Variants in ZNF804A observed in about 807,000 individuals in gnomAD.
The protein encoded by ZNF804A is zinc finger protein 804A.
A neutral mutation model predicts 16.5 loss-of-function variants in ZNF804A; 2 were observed. The ratio of observed to expected loss-of-function variants is 0.12; its 90% CI spans 0.05 to 0.38. ZNF804A has a LOEUF of 0.38. ZNF804A is among the 10% of genes least tolerant of loss of function. The pLI, the probability that ZNF804A is intolerant of heterozygous loss-of-function variation, is 0.99. For synonymous variants in ZNF804A, 534 were observed against 489.6 expected (o/e 1.09, Z -1.20); for missense variants, 1,473 against 1,390.7 (o/e 1.06, Z -0.94).
chr2:184,849,723 C>T (rs556465441), intron 1 of ZNF804A, among the ~76,000 whole-genome samples: 7 of 152,004 alleles, frequency 4.6e-5, no homozygotes, highest in Non-Finnish European at 1.0e-4. Flanking sequence ...ATTCAGCAAT[C>T]CCAGTGCTAG....
intron 2 of ZNF804A, among the ~76,000 whole-genome samples, chr2:184,933,060 A>C (rs188054202): frequency 9.1e-4 from 139 of 152,160 alleles, no homozygotes; most frequent in Middle Eastern, 3.4e-3. Flanking sequence ...CTCAGAACAC[A>C]CAAAAAGGGC....
chr2:184,852,391 G>A (rs537364708), intron 1 of ZNF804A, among the ~76,000 whole-genome samples: 125 of 149,932 alleles, frequency 8.3e-4, no homozygotes, highest in African/African-American at 3.0e-3. Flanking sequence ...CCTGTTGGTT[G>A]TCTCTTCATC....
At chr2:184,875,712 A>G (rs1696044298) in intron 2 of ZNF804A, among the ~76,000 whole-genome samples, 3 of 151,860 alleles carry the variant, frequency 2.0e-5, no homozygotes, top group Admixed American at 2.0e-4. Flanking sequence ...ATAACAAGAT[A>G]ATTAAAATAG....
intron 1 of ZNF804A, among the ~76,000 whole-genome samples, chr2:184,856,097 C>G (rs1294740891): frequency 6.6e-6 from 1 of 151,664 alleles, no homozygotes; most frequent in African/African-American, 2.4e-5. Context: ...GAACAAGCTC[C>G]TATAGACAAC....
chr2:184,670,693 T>C (rs1474689830), intron 1 of ZNF804A, among the ~76,000 whole-genome samples: 1 of 152,186 alleles, frequency 6.6e-6, no homozygotes, highest in Non-Finnish European at 1.5e-5. Flanking sequence ...TTTATCTCTT[T>C]GTGGACTCTA....
intron 1 of ZNF804A, among the ~76,000 whole-genome samples, chr2:184,769,865 A>C (rs1694185290): frequency 6.6e-6 from 1 of 152,132 alleles, no homozygotes; most frequent in Non-Finnish European, 1.5e-5. Flanking sequence ...ATCATTATTA[A>C]CAACCTTCAA....
intron 1 of ZNF804A, among the ~76,000 whole-genome samples, chr2:184,780,373 CT>C (rs200616123): frequency 3.8e-4 from 57 of 151,852 alleles, no homozygotes; most frequent in African/African-American, 1.3e-3. Context: ...ACGTTTTAAA[CT>C]TTTTTAAAAA....
intron 1 of ZNF804A, among the ~76,000 whole-genome samples, chr2:184,790,300 G>T (rs913090695): frequency 6.6e-6 from 1 of 151,140 alleles, no homozygotes; most frequent in African/African-American, 2.4e-5. Flanking sequence ...TTGCAAATAT[G>T]AGAATAATGT....
chr2:184,623,131 C>T (rs377683619), intron 1 of ZNF804A, among the ~76,000 whole-genome samples: 4 of 151,970 alleles, frequency 2.6e-5, no homozygotes, highest in East Asian at 1.9e-4. Context: ...TATTATCAGC[C>T]GTTCCTTAAT....
At chr2:184,662,230 A>G (rs1376376380) in intron 1 of ZNF804A, among the ~76,000 whole-genome samples, 1 of 152,330 alleles carries the variant, frequency 6.6e-6, no homozygotes, top group Non-Finnish European at 1.5e-5. Flanking sequence ...TGTCATCAAT[A>G]TGGAGTTTTT....
At chr2:184,886,552 T>C (rs1394461652) in intron 2 of ZNF804A, among the ~76,000 whole-genome samples, 1 of 152,230 alleles carries the variant, frequency 6.6e-6, no homozygotes, top group East Asian at 1.9e-4. Flanking sequence ...AGGTTCTCCA[T>C]GAGGGCCCTG....
chr2:184,626,780 T>G (rs1347452501), intron 1 of ZNF804A, among the ~76,000 whole-genome samples: 2 of 152,178 alleles, frequency 1.3e-5, no homozygotes. Flanking sequence ...AGAATCAAAT[T>G]GTAATACCAA....
Position 184,938,558 on chromosome 2 carries a change from C to T in ZNF804A, c.3162C>T (p.His1054=). The part of the protein sequence containing the change: ...FKNVPCEVYQ[H]ILQPNMLANK... ...ATGTACCATGTGAGGTCTACCAGCA[C>T]ATTCTGCAGCCAAACATGCTGGCCA... The change falls in exon 4 of 4, where the codon CAC becomes CAT. Residue 1054 remains histidine, a synonymous_variant. Transcript: ENST00000302277. 1 of 1,614,086 alleles carries T rather than the reference C, an allele frequency of 6.2e-7. No homozygotes were observed. Among genetic ancestry groups the T allele is most frequent in the Non-Finnish European group, 8.5e-7 (1 of 1,180,018 alleles).
At chr2:184,921,281 T>A (rs60535211) in intron 2 of ZNF804A, among the ~76,000 whole-genome samples, 2,858 of 152,268 alleles carry the variant, frequency 0.019, 75 homozygotes, top group African/African-American at 0.064. Flanking sequence ...CTCTACAAAG[T>A]ATTTGGCCAG....
At chr2:184,719,636 G>A (rs933553204) in intron 1 of ZNF804A, among the ~76,000 whole-genome samples, 1 of 152,066 alleles carries the variant, frequency 6.6e-6, no homozygotes, top group African/African-American at 2.4e-5. Flanking sequence ...AATCTTTAGG[G>A]CAGGGGCAAA....
At chr2:184,933,828 C>G (rs1283043645) in intron 3 of ZNF804A, 95 bp downstream of exon 3, 10 of 1,278,808 alleles carry the variant, frequency 7.8e-6, no homozygotes, top group East Asian at 2.7e-5. Context: ...CTATTTATTA[C>G]TGTACCCAGA....
At chr2:184,750,519 A>G (rs1693862327) in intron 1 of ZNF804A, among the ~76,000 whole-genome samples, 2 of 151,286 alleles carry the variant, frequency 1.3e-5, no homozygotes, top group Non-Finnish European at 3.0e-5. Context: ...TTATTGAGAT[A>G]TGTTTGGGAT....
chr2:184,726,765 T>C (rs1010096432), intron 1 of ZNF804A, among the ~76,000 whole-genome samples: 4 of 151,508 alleles, frequency 2.6e-5, no homozygotes, highest in African/African-American at 2.4e-5. Context: ...TTTGTAAAAA[T>C]ACACAGTTAT....
At chr2:184,797,666 A>G (rs1241917325) in intron 1 of ZNF804A, among the ~76,000 whole-genome samples, 4 of 152,014 alleles carry the variant, frequency 2.6e-5, no homozygotes, top group African/African-American at 9.7e-5. Context: ...TCATCATGCT[A>G]TTTGTTGCCT....
Sources: allele counts gnomAD v4.1 joint callset (sites outside exome capture counted in the v4.1 genomes callset), GRCh38; gene constraint gnomAD v4.1.1; transcripts MANE v1.5; gene names NCBI Gene and HGNC (gene_info 2026-07-23, HGNC 2026-07-21).